RBFOX2: variants seen among roughly 807,000 people sequenced by gnomAD.
The protein encoded by RBFOX2 is RNA binding protein fox-1 homolog 2.
In RBFOX2, 10 loss-of-function variants were observed where a neutral mutation model predicts 49.1. The ratio of observed to expected loss-of-function variants is 0.20; its 90% confidence interval spans 0.13 to 0.35. RBFOX2 has a LOEUF of 0.35. Among genes scored for constraint, RBFOX2 ranks in the 10% least tolerant of loss-of-function variants. The probability of loss-of-function intolerance (pLI) is 1.00; values close to 1 mark genes in which losing one functional copy is unlikely to be tolerated. For missense variants in RBFOX2, 323 were observed against 486.9 expected (o/e 0.66, Z 3.17); for synonymous variants, 183 against 187.4 (o/e 0.98, Z 0.19).
chr22:35,902,684 G>T (rs948902142), intron 1 of RBFOX2, among the ~76,000 whole-genome samples: 1 of 151,446 alleles, frequency 6.6e-6, no homozygotes, highest in Non-Finnish European at 1.5e-5. Flanking sequence ...TCACTCTGTC[G>T]CCCAGGCTGG....
rs1044561178 is a variant in RBFOX2 at position 35,808,973 on chromosome 22, G to T, written c.252+807C>A. Reference sequence around the variant, plus strand: ...AGAGGTAAGCTGGGGCTAGAGACTAGTAAACCAAGTACGGAGTTCAGATTA... The same window carrying T: ...AGAGGTAAGCTGGGGCTAGAGACTATTAAACCAAGTACGGAGTTCAGATTA... On this transcript the variant is annotated intron_variant, in intron 2 of 11. Transcript: ENST00000405409. Among the ~76,000 whole-genome samples, 3 of 151,470 alleles carry T rather than the reference G, an allele frequency of 2.0e-5. No homozygotes were observed. The South Asian group carries it at 6.3e-4, about 32-fold the overall frequency.
intron 1 of RBFOX2, among the ~76,000 whole-genome samples, chr22:35,815,025 G>A (rs537756261): frequency 3.3e-5 from 5 of 152,270 alleles, no homozygotes; most frequent in African/African-American, 7.2e-5. Flanking sequence ...TATTACAGTC[G>A]TCAAACAGGA....
At chr22:35,964,680 G>A (rs1010725586), upstream of RBFOX2, among the ~76,000 whole-genome samples, 3 of 152,096 alleles carry the variant, frequency 2.0e-5, no homozygotes, top group African/African-American at 7.2e-5. Context: ...TCCACATATA[G>A]AACCAGAGCA....
At chr22:35,942,229 T>C (rs1307456720), upstream of RBFOX2, among the ~76,000 whole-genome samples, 5 of 152,202 alleles carry the variant, frequency 3.3e-5, no homozygotes, top group African/African-American at 1.2e-4. Flanking sequence ...TGAGATACCA[T>C]GTTTTACATA....
chr22:36,025,356 C>T (rs2059393225), intron 1 of RBFOX2, among the ~76,000 whole-genome samples: 1 of 152,162 alleles, frequency 6.6e-6, no homozygotes, highest in East Asian at 1.9e-4. Context: ...ATCTTAAAGC[C>T]CTTCCGTAAC....
rs1001998176 is a variant in RBFOX2 at position 35,897,401 on chromosome 22, C to T, written c.-34+41446G>A. The stretch of plus-strand genomic sequence containing the variant: ...GAATACCAAGGTCTTCTAAGCTGGG[C>T]AGGTGAGACAAGGTCATGTCTGTGA... On this transcript the variant is annotated intron_variant, in intron 1 of 13. Transcript: ENST00000359369. 15 of 994,672 alleles carry T rather than the reference C, an allele frequency of 1.5e-5. No homozygotes were observed. The African/African-American group carries it at 1.7e-4, about 12-fold the overall frequency. 61.6% of individuals were successfully genotyped at this position (994,672 alleles called of 1,614,324 possible). A position where few individuals can be genotyped will look rare whatever the true frequency, so the allele number is the denominator to read the frequency against.
intron 2 of RBFOX2, among the ~76,000 whole-genome samples, chr22:35,794,385 G>A (rs569585499): frequency 1.1e-4 from 16 of 152,232 alleles, no homozygotes; most frequent in African/African-American, 3.1e-4. Flanking sequence ...TAGGCCGTGC[G>A]CGGTGGCTCA....
chr22:35,803,961 C>T (rs1178334051), intron 2 of RBFOX2, among the ~76,000 whole-genome samples: 1 of 152,120 alleles, frequency 6.6e-6, no homozygotes, highest in Admixed American at 6.5e-5. Context: ...AACAAAAACC[C>T]CTATGGGAGA....
At chr22:35,808,573 C>T (rs1172965564) in intron 2 of RBFOX2, among the ~76,000 whole-genome samples, 2 of 152,064 alleles carry the variant, frequency 1.3e-5, no homozygotes, top group Middle Eastern at 3.2e-3. Context: ...CAAGGCTGGG[C>T]ATGGTGGCTC....
intron 1 of RBFOX2, among the ~76,000 whole-genome samples, chr22:35,957,025 CATA>C (rs1251113346): frequency 7.2e-5 from 11 of 152,108 alleles, no homozygotes; most frequent in Admixed American, 7.2e-4. Context: ...CAGTTTGTGG[CATA>C]ATAAGCCCAT....
chr22:36,028,537 C>CGCGT (rs990342798), exon 1 of RBFOX2: 138 of 947,420 alleles, frequency 1.5e-4, no homozygotes, highest in South Asian at 7.3e-4. Context: ...CCCCCGCCCC[C>CGCGT]GCGTGCGTGC....
At chr22:35,828,624 T>G (rs960871174) in intron 1 of RBFOX2, among the ~76,000 whole-genome samples, 5 of 152,232 alleles carry the variant, frequency 3.3e-5, no homozygotes, top group African/African-American at 1.2e-4. Context: ...AATCCTGTTC[T>G]TAACAGCCAG....
intron 1 of RBFOX2, chr22:35,897,507 G>A: frequency 1.2e-6 from 1 of 815,574 alleles, no homozygotes; most frequent in Non-Finnish European, 2.2e-6. Flanking sequence ...CCACTGATAG[G>A]CAAAAGGTGG....
At chr22:35,751,995 C>G (rs1935108124) in intron 9 of RBFOX2, among the ~76,000 whole-genome samples, 1 of 152,230 alleles carries the variant, frequency 6.6e-6, no homozygotes, top group Non-Finnish European at 1.5e-5. Context: ...ATCCAGCTAT[C>G]AGCAATCCTT....
At chr22:35,826,203 T>G (rs879430076) in intron 1 of RBFOX2, among the ~76,000 whole-genome samples, 12 of 151,322 alleles carry the variant, frequency 7.9e-5, no homozygotes, top group Non-Finnish European at 1.3e-4. Context: ...TTAGCTGGGC[T>G]TGGTGGCGCA....
intron 4 of RBFOX2, among the ~76,000 whole-genome samples, chr22:35,771,540 T>C (rs1460556768): frequency 1.3e-5 from 2 of 152,164 alleles, no homozygotes; most frequent in Admixed American, 1.3e-4. Context: ...CCACCCGACT[T>C]GTGGTAATCT....
intron 3 of RBFOX2, among the ~76,000 whole-genome samples, chr22:35,780,370 A>AAC (rs915797430): frequency 6.7e-6 from 1 of 148,844 alleles, no homozygotes; most frequent in African/African-American, 2.4e-5. Flanking sequence ...CAAACAAACA[A>AAC]AAAAAAAAAA....
At chr22:35,908,387 G>C (rs1362565454) in intron 1 of RBFOX2, among the ~76,000 whole-genome samples, 1 of 152,152 alleles carries the variant, frequency 6.6e-6, no homozygotes, top group African/African-American at 2.4e-5. Context: ...GCTTAGCCTA[G>C]CCTATCTTAA....
At chr22:35,876,857 T>A (rs569672418) in intron 1 of RBFOX2, among the ~76,000 whole-genome samples, 1 of 151,630 alleles carries the variant, frequency 6.6e-6, no homozygotes, top group Non-Finnish European at 1.5e-5. Flanking sequence ...CCATCTGAAA[T>A]AAAAATAAAC....
Sources: allele counts gnomAD v4.1 joint callset (sites outside exome capture counted in the v4.1 genomes callset), GRCh38; gene constraint gnomAD v4.1.1; transcripts MANE v1.5; gene names NCBI Gene and HGNC (gene_info 2026-07-23, HGNC 2026-07-21).